FAM171B: variants seen among roughly 807,000 people sequenced by gnomAD.
FAM171B encodes the protein family with sequence similarity 171 member B.
A neutral mutation model predicts 75.6 loss-of-function variants in FAM171B; 19 were observed. That is an observed-to-expected ratio of 0.25 (90% CI 0.18 to 0.37). The LOEUF (loss-of-function observed/expected upper bound fraction) is 0.37. Ranked by LOEUF, FAM171B falls within the 10% of genes least tolerant of loss-of-function variation. FAM171B has a pLI of 1.00. For synonymous variants in FAM171B, 367 were observed against 361.7 expected, an observed-to-expected ratio of 1.01 and a Z score of -0.17; for missense variants, 848 against 982.4, an observed-to-expected ratio of 0.86 and a Z score of 1.83.
chr2:186,715,640 A>T (rs1164323842), intron 1 of FAM171B, among the ~76,000 whole-genome samples: 1 of 152,216 alleles, frequency 6.6e-6, no homozygotes, highest in Admixed American at 6.5e-5. Context: ...CAAACTTTCA[A>T]TTATAAAGGG....
chr2:186,723,925 G>A (rs13413716), intron 1 of FAM171B, among the ~76,000 whole-genome samples: 12,495 of 152,138 alleles, frequency 0.082, 561 homozygotes, highest in South Asian at 0.12. Context: ...TCAAATATTC[G>A]TTCATTCAGA....
At chr2:186,717,681 C>G (rs1689893387) in intron 1 of FAM171B, among the ~76,000 whole-genome samples, 1 of 152,092 alleles carries the variant, frequency 6.6e-6, no homozygotes, top group Non-Finnish European at 1.5e-5. Context: ...CTGGAAGTCT[C>G]TTCTCTCTGG....
At chr2:186,727,983 T>A (rs948236156) in intron 1 of FAM171B, among the ~76,000 whole-genome samples, 10 of 152,124 alleles carry the variant, frequency 6.6e-5, no homozygotes, top group African/African-American at 2.4e-4. Context: ...AAACTAGGCC[T>A]CTGAATAGAC....
intron 1 of FAM171B, among the ~76,000 whole-genome samples, chr2:186,732,389 C>T (rs373693753): frequency 7.6e-4 from 115 of 152,294 alleles, no homozygotes; most frequent in African/African-American, 2.7e-3. Flanking sequence ...TCCAAGATGG[C>T]TTTGGAGTCC....
At chr2:186,742,394 T>C (rs1179241297) in intron 2 of FAM171B, among the ~76,000 whole-genome samples, 1 of 152,194 alleles carries the variant, frequency 6.6e-6, no homozygotes, top group African/African-American at 2.4e-5. Flanking sequence ...ACCTCTCCAA[T>C]TTAATCCATT....
intron 6 of FAM171B, among the ~76,000 whole-genome samples, chr2:186,759,662 C>T (rs1281789438): frequency 6.6e-6 from 1 of 151,916 alleles, no homozygotes; most frequent in Non-Finnish European, 1.5e-5. Flanking sequence ...CTATTCAAGT[C>T]TTTTGCTCAT....
intron 1 of FAM171B, among the ~76,000 whole-genome samples, chr2:186,705,326 C>T (rs1689719470): frequency 6.6e-6 from 1 of 152,104 alleles, no homozygotes; most frequent in African/African-American, 2.4e-5. Context: ...TGCCATGGCA[C>T]ACTGGTGGAC....
intron 1 of FAM171B, among the ~76,000 whole-genome samples, chr2:186,699,598 T>A (rs1689629022): frequency 6.6e-6 from 1 of 152,188 alleles, no homozygotes; most frequent in South Asian, 2.1e-4. Context: ...CTTTGTTGAT[T>A]GTTTCCTTTG....
intron 1 of FAM171B, among the ~76,000 whole-genome samples, chr2:186,726,500 C>T (rs1315677070): frequency 6.6e-6 from 1 of 152,086 alleles, no homozygotes; most frequent in East Asian, 1.9e-4. Context: ...ATAATATGGT[C>T]CTTTTTCTTT....
At chr2:186,711,952 T>C (rs999553374) in intron 1 of FAM171B, among the ~76,000 whole-genome samples, 1 of 152,176 alleles carries the variant, frequency 6.6e-6, no homozygotes, top group African/African-American at 2.4e-5. Flanking sequence ...TTTAAATTAG[T>C]TTCTAATTGT....
Position 186,720,098 on chromosome 2 carries a change from C to T in FAM171B, c.239-20130C>T, listed in dbSNP as rs1348227136. ...TGTCGCCCAGGCTGGAATGCAATGG[C>T]GCTATCTCAGCTCACTGTAACCTCC... On this transcript the variant is annotated intron_variant, in intron 1 of 7. Coordinates refer to ENST00000304698, the MANE Select transcript of FAM171B (RefSeq NM_177454.4). Among the ~76,000 whole-genome samples the T allele has an allele frequency of 5.3e-5, 8 of 152,210 alleles. No homozygotes were observed. The East Asian group carries it at 5.8e-4, about 11-fold the overall frequency.
chr2:186,730,366 C>T (rs1189765815), intron 1 of FAM171B, among the ~76,000 whole-genome samples: 2 of 152,198 alleles, frequency 1.3e-5, no homozygotes, highest in Non-Finnish European at 2.9e-5. Flanking sequence ...CAGCACTGGG[C>T]TGTATATGTG....
rs770241469 is a variant in FAM171B, at chr2:186,747,093, T to C, written c.567T>C (p.Asp189=). 89 of 1,578,912 alleles carry C rather than the reference T, an allele frequency of 5.6e-5. No homozygotes were observed. The highest frequency in any genetic ancestry group is 7.4e-5 in the Non-Finnish European group (86 of 1,165,760). The change falls in exon 4 of 8, where the codon GAT becomes GAC. Residue 189 remains aspartate (D), a splice_region_variant and synonymous_variant. Coordinates refer to ENST00000304698, the MANE Select transcript of FAM171B (RefSeq NM_177454.4). ...TTAATGAGGTTTCCTTTTTTCCAGATGCCAAGTCTCAACCAAGTGTTCAGT... is the reference window on the plus strand; with the variant it reads ...TTAATGAGGTTTCCTTTTTTCCAGACGCCAAGTCTCAACCAAGTGTTCAGT... ...DTVLITGKLA[D]AKSQPSVQFS... is the part of the protein sequence containing the mutation.
Position 186,753,979 on chromosome 2 carries a change from T to C in FAM171B, c.942T>C (p.Asn314=), listed in dbSNP as rs752890555. 1.2e-6 allele frequency: 2 copies of C among 1,613,560 alleles called. No individual in the cohort carries two copies. The highest frequency in any genetic ancestry group is 2.2e-5 in the South Asian group (2 of 91,042). ...GGGGAATGGTCAAGGAACATAACAA[T>C]CATTTAATCTGGACATATGATGCAC... ...HGRGMVKEHN[N]HLIWTYDAPH... is the part of the protein sequence containing the mutation. The change falls in exon 6 of 8, where the codon AAT becomes AAC. Residue 314 remains asparagine (N), a synonymous_variant. Coordinates refer to ENST00000304698, the MANE Select transcript of FAM171B (RefSeq NM_177454.4).
Position 186,694,162 on chromosome 2 carries a change from T to G in FAM171B, c.-12T>G, listed in dbSNP as rs1215309325. The stretch of plus-strand genomic sequence containing the variant: ...CCCGCAATATGCCGCCGCGGCCCTC[T>G]GGCTCTAGGCCATGGCGAGGCTCTG... On this transcript the variant is annotated 5_prime_UTR_variant, in exon 1 of 8. Transcript: ENST00000304698. 1.9e-6 allele frequency: 3 copies of G among 1,561,240 alleles called. No individual in the cohort carries two copies. Among genetic ancestry groups the G allele is most frequent in the South Asian group, 1.2e-5 (1 of 86,254 alleles).
intron 5 of FAM171B, among the ~76,000 whole-genome samples, 153 bp downstream of exon 5, chr2:186,751,457 T>A (rs1690453847): frequency 6.6e-6 from 1 of 152,216 alleles, no homozygotes; most frequent in African/African-American, 2.4e-5. Context: ...CTTTGATTAA[T>A]ATAATACAAC....
At chr2:186,738,852 C>T (rs886780268) in intron 1 of FAM171B, among the ~76,000 whole-genome samples, 21 of 152,116 alleles carry the variant, frequency 1.4e-4, no homozygotes, top group African/African-American at 4.8e-4. Flanking sequence ...ATAACAAATA[C>T]AGCCATGTGT....
In FAM171B at chr2:186,751,418, G is replaced by A. The variant is rs942027709; in HGVS notation, c.895+114G>A. Reference sequence around the variant, plus strand: ...CTAGTTTTTTAGTAACATCACAAATGTATTTGTTAGTGACCAAAATTGACT... The same window carrying A: ...CTAGTTTTTTAGTAACATCACAAATATATTTGTTAGTGACCAAAATTGACT... On this transcript the variant is annotated intron_variant, in intron 5 of 7. Coordinates refer to ENST00000304698, the MANE Select transcript of FAM171B (RefSeq NM_177454.4). The A allele has an allele frequency of 4.2e-6, 4 of 960,014 alleles. No homozygotes were observed. The African/African-American group carries it at 4.9e-5, about 12-fold the overall frequency. 59.5% of individuals were successfully genotyped at this position (960,014 alleles called of 1,614,324 possible).
At chr2:186,749,259 A>C (rs1025769826) in intron 4 of FAM171B, among the ~76,000 whole-genome samples, 2 of 152,084 alleles carry the variant, frequency 1.3e-5, no homozygotes, top group African/African-American at 4.8e-5. Flanking sequence ...TGTTTTTTTC[A>C]GTCTTTTTTC....
Sources: allele counts gnomAD v4.1 joint callset (sites outside exome capture counted in the v4.1 genomes callset), GRCh38; gene constraint gnomAD v4.1.1; transcripts MANE v1.5; gene names NCBI Gene and HGNC (gene_info 2026-07-23, HGNC 2026-07-21).